RAD51B: variants seen among roughly 807,000 people sequenced by gnomAD.
The protein encoded by RAD51B is RAD51 paralog B, also known as DNA repair protein RAD51 homolog 2.
Under a neutral mutation model 42.2 loss-of-function variants are expected in RAD51B, and 38 were observed. The observed-to-expected ratio is 0.90, with a 90% confidence interval of 0.70 to 1.18. RAD51B has a LOEUF of 1.18. RAD51B is among the 50% of genes most tolerant of loss of function. RAD51B has a pLI of 0.00. For synonymous variants in RAD51B, 154 were observed against 145.2 expected, an observed-to-expected ratio of 1.06 and a Z score of -0.43; for missense variants, 373 against 400.7, an observed-to-expected ratio of 0.93 and a Z score of 0.59.
At chr14:68,269,506 G>C (rs1461674401) in intron 7 of RAD51B, among the ~76,000 whole-genome samples, 2 of 152,274 alleles carry the variant, frequency 1.3e-5, no homozygotes, top group East Asian at 3.9e-4. Context: ...CCGCAGGATC[G>C]TCACTCAGAT....
intron 7 of RAD51B, among the ~76,000 whole-genome samples, chr14:68,281,770 A>G (rs1027609145): frequency 1.3e-5 from 2 of 152,242 alleles, no homozygotes; most frequent in Non-Finnish European, 2.9e-5. Flanking sequence ...ACCCACATGC[A>G]GTTGTACTGG....
chr14:68,331,380 A>G (rs2082347408), intron 8 of RAD51B, among the ~76,000 whole-genome samples: 1 of 148,348 alleles, frequency 6.7e-6, no homozygotes, highest in Non-Finnish European at 1.5e-5. Flanking sequence ...AAAAAAAAAA[A>G]AAAAAGCAAT....
At chr14:68,091,629 T>G (rs2077101202) in intron 7 of RAD51B, among the ~76,000 whole-genome samples, 1 of 152,234 alleles carries the variant, frequency 6.6e-6, no homozygotes, top group Non-Finnish European at 1.5e-5. Flanking sequence ...TTGCAAAAAT[T>G]GTCTCCCATT....
At chr14:67,916,934 A>ACATAC (rs1184053196) in intron 7 of RAD51B, among the ~76,000 whole-genome samples, 1 of 152,228 alleles carries the variant, frequency 6.6e-6, no homozygotes, top group East Asian at 1.9e-4. Context: ...TAAAAATAAT[A>ACATAC]ATTGCTGTAA....
chr14:68,441,927 T>G (rs1273023591), intron 9 of RAD51B, among the ~76,000 whole-genome samples: 1 of 152,206 alleles, frequency 6.6e-6, no homozygotes, highest in Non-Finnish European at 1.5e-5. Flanking sequence ...GCTCAGTTAT[T>G]TATTTGGCTG....
rs1161088443 is a variant in RAD51B at position 68,127,632 on chromosome 14, CACACACACACACACACACACACAT to C, written c.757-164244_757-164221del. ...ACACACACACACACACACACACACACACACACACACACACACACACACATACACACAGTAATGCTTTTTGTCCCT... is the reference window on the plus strand; with the variant it reads ...ACACACACACACACACACACACACACACACACAGTAATGCTTTTTGTCCCT... On this transcript the variant is annotated intron_variant, in intron 7 of 10. Transcript: ENST00000471583. Among the ~76,000 whole-genome samples, 162 of 144,896 alleles carry C rather than the reference CACACACACACACACACACACACAT, an allele frequency of 1.1e-3. 1 individual carries two copies. Among genetic ancestry groups the C allele is most frequent in the African/African-American group, 4.1e-3 (156 of 37,918 alleles).
intron 4 of RAD51B, among the ~76,000 whole-genome samples, chr14:67,859,875 C>T (rs1463846369): frequency 6.6e-6 from 1 of 152,064 alleles, no homozygotes; most frequent in Non-Finnish European, 1.5e-5. Flanking sequence ...GGCTGGAGTG[C>T]AATGACGCGA....
intron 10 of RAD51B, chr14:68,469,039 T>C (rs547778831): frequency 4.4e-6 from 2 of 459,022 alleles, no homozygotes; most frequent in African/African-American, 2.0e-5. Context: ...GCTTTGTGGA[T>C]GAGGAAGGAT....
At chr14:68,481,640 C>T (rs1246400335), downstream of RAD51B, among the ~76,000 whole-genome samples, 1 of 152,152 alleles carries the variant, frequency 6.6e-6, no homozygotes, top group African/African-American at 2.4e-5. Context: ...TGTATTATTC[C>T]TTCTCTACAG....
intron 7 of RAD51B, among the ~76,000 whole-genome samples, chr14:67,890,435 G>A (rs1355397080): frequency 6.6e-6 from 1 of 151,470 alleles, no homozygotes; most frequent in African/African-American, 2.4e-5. Context: ...ACAGAATTAC[G>A]GTGGACTGTA....
chr14:67,964,534 C>G (rs975651738), intron 7 of RAD51B, among the ~76,000 whole-genome samples: 13 of 152,190 alleles, frequency 8.5e-5, no homozygotes, highest in African/African-American at 2.9e-4. Flanking sequence ...GAAAACATTA[C>G]ACAACAACAT....
intron 2 of RAD51B, among the ~76,000 whole-genome samples, chr14:67,824,748 A>G (rs1473264532): frequency 1.3e-5 from 2 of 151,946 alleles, no homozygotes; most frequent in African/African-American, 4.8e-5. Context: ...TTTTTCAACT[A>G]CGAAATATTA....
intron 10 of RAD51B, among the ~76,000 whole-genome samples, chr14:68,501,489 T>C (rs1884914873): frequency 6.6e-6 from 1 of 152,208 alleles, no homozygotes; most frequent in African/African-American, 2.4e-5. Context: ...GCAACCCCTG[T>C]GCAAACTCGC....
chr14:68,586,862 G>A (rs1221093702), intron 10 of RAD51B, among the ~76,000 whole-genome samples: 1 of 152,158 alleles, frequency 6.6e-6, no homozygotes, highest in Non-Finnish European at 1.5e-5. Flanking sequence ...AAAATTAGCT[G>A]GGTGTGGTGG....
At chr14:68,028,453 C>T (rs888919208) in intron 7 of RAD51B, among the ~76,000 whole-genome samples, 1 of 152,204 alleles carries the variant, frequency 6.6e-6, no homozygotes, top group South Asian at 2.1e-4. Context: ...GAAACCCACA[C>T]ATCTCACCCC....
intron 7 of RAD51B, among the ~76,000 whole-genome samples, chr14:68,037,051 C>T (rs1329155082): frequency 1.6e-5 from 1 of 64,284 alleles, no homozygotes; most frequent in Non-Finnish European, 2.8e-5. Flanking sequence ...TCCCTTCCTT[C>T]CTTCCTTCCT....
At chr14:67,915,478 C>A (rs1254831225) in intron 7 of RAD51B, among the ~76,000 whole-genome samples, 1 of 152,128 alleles carries the variant, frequency 6.6e-6, no homozygotes, top group Non-Finnish European at 1.5e-5. Flanking sequence ...AGAACTGATA[C>A]CTCTAGCTTT....
At chr14:68,206,193 A>G (rs2079581828) in intron 7 of RAD51B, among the ~76,000 whole-genome samples, 1 of 152,190 alleles carries the variant, frequency 6.6e-6, no homozygotes, top group African/African-American at 2.4e-5. Context: ...ATGCCTTGTC[A>G]TCCAGGTGAT....
intron 7 of RAD51B, among the ~76,000 whole-genome samples, chr14:67,989,226 C>T (rs1595214195): frequency 6.6e-6 from 1 of 152,320 alleles, no homozygotes; most frequent in African/African-American, 2.4e-5. Flanking sequence ...ATCTATTATT[C>T]TGTGACGTCT....
Sources: allele counts gnomAD v4.1 joint callset (sites outside exome capture counted in the v4.1 genomes callset), GRCh38; gene constraint gnomAD v4.1.1; transcripts MANE v1.5; gene names NCBI Gene and HGNC (gene_info 2026-07-23, HGNC 2026-07-21).